The following SLIT2 variants were observed in gnomAD, a reference collection of about 807,000 sequenced individuals.
SLIT2 encodes the protein slit guidance ligand 2, also known as slit homolog 2 protein.
In SLIT2, 41 loss-of-function variants were observed where a neutral mutation model predicts 185.7. The ratio of observed to expected loss-of-function variants is 0.22; its 90% CI spans 0.17 to 0.29. SLIT2 has a LOEUF of 0.29. Among genes scored for constraint, SLIT2 ranks in the 10% least tolerant of loss-of-function variants. SLIT2 has a pLI of 1.00. For synonymous variants in SLIT2, 693 were observed against 680.2 expected (o/e 1.02, Z -0.29); for missense variants, 1,571 against 1,909.0 (o/e 0.82, Z 3.30).
At chr4:20,255,294 G>A (rs1226121484) in intron 1 of SLIT2, among the ~76,000 whole-genome samples, 1 of 152,094 alleles carries the variant, frequency 6.6e-6, no homozygotes, top group Admixed American at 6.6e-5. Flanking sequence ...CATTTCTCTC[G>A]CCCTTAGTTT....
intron 4 of SLIT2, among the ~76,000 whole-genome samples, chr4:20,415,228 G>A (rs553208962): frequency 6.6e-6 from 1 of 152,060 alleles, no homozygotes; most frequent in East Asian, 1.9e-4. Flanking sequence ...TGGCTAACAC[G>A]GTGAAACCCC....
intron 4 of SLIT2, among the ~76,000 whole-genome samples, chr4:20,432,205 C>T (rs961267763): frequency 6.6e-6 from 1 of 152,128 alleles, no homozygotes; most frequent in African/African-American, 2.4e-5. Context: ...TCCCCATCCC[C>T]TAGGACAAAA....
intron 4 of SLIT2, among the ~76,000 whole-genome samples, chr4:20,277,229 C>T (rs34584922): frequency 2.0e-5 from 3 of 152,080 alleles, no homozygotes; most frequent in African/African-American, 7.2e-5. Context: ...TTGTGAAATT[C>T]TTAGCAGCTT....
In SLIT2 at chr4:20,280,833, G is replaced by GTTTTTTTTTTTT. The variant is rs34477780; in HGVS notation, c.395+11957_395+11968dup. ...GTTTGAAGGCTTATATTAAAAAAATGTTTTTTTTTTTTTTTTGAGACGGAG... is the reference window on the plus strand; with the variant it reads ...GTTTGAAGGCTTATATTAAAAAAATGTTTTTTTTTTTTTTTTTTTTTTTTTTTTGAGACGGAG... On this transcript the variant is annotated intron_variant, in intron 4 of 36. Transcript: ENST00000504154. 8.2e-4 allele frequency among the ~76,000 whole-genome samples: 107 copies of GTTTTTTTTTTTT among 130,580 alleles called. 2 individuals carry two copies. Among genetic ancestry groups the GTTTTTTTTTTTT allele is most frequent in the African/African-American group, 3.0e-3 (98 of 32,900 alleles). The allele number at this position is 130,580 out of a possible 152,430, so 85.7% of individuals were successfully genotyped here. A position where few individuals can be genotyped will look rare whatever the true frequency, so the allele number is the denominator to read the frequency against.
At chr4:20,345,843 T>G (rs1322584251) in intron 4 of SLIT2, among the ~76,000 whole-genome samples, 4 of 151,892 alleles carry the variant, frequency 2.6e-5, no homozygotes, top group Non-Finnish European at 5.9e-5. Context: ...CTGAAATACT[T>G]ATTTCTATGT....
At chr4:20,596,337 A>T in intron 31 of SLIT2, 78 bp from the exon 32 acceptor site, 2 of 1,352,204 alleles carry the variant, frequency 1.5e-6, no homozygotes, top group Non-Finnish European at 2.1e-6. Context: ...ATATACAGTT[A>T]TGTTATACAG....
At chr4:20,255,750 A>T (rs1711751463) in intron 1 of SLIT2, among the ~76,000 whole-genome samples, 1 of 152,136 alleles carries the variant, frequency 6.6e-6, no homozygotes, top group African/African-American at 2.4e-5. Context: ...GGATGAACAA[A>T]AAGTTTCCAG....
intron 11 of SLIT2, among the ~76,000 whole-genome samples, chr4:20,512,575 G>T (rs1036006796): frequency 7.9e-5 from 12 of 152,100 alleles, no homozygotes; most frequent in Admixed American, 7.9e-4. Context: ...GTACTGTCAG[G>T]TTCTAAAGTA....
chr4:20,349,746 A>G (rs535120535), intron 4 of SLIT2, among the ~76,000 whole-genome samples: 2 of 152,304 alleles, frequency 1.3e-5, no homozygotes, highest in East Asian at 3.9e-4. Context: ...GAGATGTAGA[A>G]TAAAATGTTG....
chr4:20,533,586 A>G lies in SLIT2; in HGVS notation c.1703A>G (p.Asn568Ser), dbSNP rs147479729. The change falls in exon 18 of 37, where the codon AAT (asparagine) becomes AGT (serine). Residue 568 changes from asparagine (N) to serine (S), a missense_variant. Asn to Ser is a conservative substitution (Grantham distance 46). This residue lies in a region of SLIT2 where 1,202 missense variants were observed against 1,416.4 expected (regional missense o/e 0.85). Coordinates refer to ENST00000504154, the MANE Select transcript of SLIT2 (RefSeq NM_004787.4). ...TTTTTATTTAGAAACTTTAGCAACA[A>G]TAAGATCACAGATATTGAGGAGGGA... ...PQLRKINFSN[N>S]KITDIEEGAF... The G allele has an allele frequency of 6.2e-7, 1 of 1,609,068 alleles. No homozygotes were observed. The highest frequency in any genetic ancestry group is 8.5e-7 in the Non-Finnish European group (1 of 1,176,826).
intron 4 of SLIT2, among the ~76,000 whole-genome samples, chr4:20,348,297 G>A (rs1271853401): frequency 6.6e-6 from 1 of 152,036 alleles, no homozygotes; most frequent in Non-Finnish European, 1.5e-5. Context: ...GGAGTGCAGT[G>A]GCATGATCTT....
At chr4:20,553,534 T>G (rs1257659754) in intron 25 of SLIT2, among the ~76,000 whole-genome samples, 1 of 152,216 alleles carries the variant, frequency 6.6e-6, no homozygotes, top group East Asian at 1.9e-4. Context: ...TCTGAAAATA[T>G]TAGGAGACCT....
intron 5 of SLIT2, among the ~76,000 whole-genome samples, chr4:20,473,042 T>C (rs1212781541): frequency 1.3e-5 from 2 of 151,936 alleles, no homozygotes; most frequent in Non-Finnish European, 1.5e-5. Flanking sequence ...GTGAGTTCAA[T>C]ATGATTACTT....
intron 4 of SLIT2, among the ~76,000 whole-genome samples, chr4:20,418,319 T>C (rs1727870070): frequency 6.6e-6 from 1 of 152,202 alleles, no homozygotes; most frequent in African/African-American, 2.4e-5. Flanking sequence ...AAATGTATTA[T>C]AGCAAATTTA....
At chr4:20,316,038 A>G (rs1013751866) in intron 4 of SLIT2, among the ~76,000 whole-genome samples, 1 of 152,038 alleles carries the variant, frequency 6.6e-6, no homozygotes, top group African/African-American at 2.4e-5. Context: ...CAATAAAGTC[A>G]CCTCCCTCTG....
chr4:20,586,209 A>G (rs145431161), intron 29 of SLIT2, among the ~76,000 whole-genome samples: 96 of 152,310 alleles, frequency 6.3e-4, no homozygotes, highest in African/African-American at 2.1e-3. Context: ...GTCCAATGAA[A>G]ACATTCATGT....
intron 4 of SLIT2, among the ~76,000 whole-genome samples, chr4:20,361,227 A>G (rs1219558882): frequency 6.6e-6 from 1 of 151,862 alleles, no homozygotes; most frequent in South Asian, 2.1e-4. Flanking sequence ...CTTCAACCAG[A>G]TTCACTTGAG....
chr4:20,362,460 T>C (rs2109297173), intron 4 of SLIT2, among the ~76,000 whole-genome samples: 1 of 152,226 alleles, frequency 6.6e-6, no homozygotes, highest in East Asian at 1.9e-4. Context: ...ATGGATTGAT[T>C]TTCCAAGCAG....
intron 29 of SLIT2, among the ~76,000 whole-genome samples, chr4:20,582,684 T>C (rs902370181): frequency 1.3e-5 from 2 of 152,170 alleles, no homozygotes; most frequent in African/African-American, 4.8e-5. Flanking sequence ...CGGTAGATCT[T>C]AGCATCCTCA....
Sources: allele counts gnomAD v4.1 joint callset (sites outside exome capture counted in the v4.1 genomes callset), GRCh38; gene constraint gnomAD v4.1.1; regional missense constraint gnomAD v4.1.1; transcripts MANE v1.5; gene names NCBI Gene and HGNC (gene_info 2026-07-23, HGNC 2026-07-21).